The following PKD1L1 variants were observed in gnomAD, a reference collection of about 807,000 sequenced individuals.
PKD1L1 encodes polycystin-1-like protein 1.
A neutral mutation model predicts 323.4 loss-of-function variants in PKD1L1; 236 were observed. That is an observed-to-expected ratio of 0.73 (90% CI 0.66 to 0.81). The LOEUF is 0.81. Ranked by LOEUF, PKD1L1 falls within the 40% of genes least tolerant of loss-of-function variation. PKD1L1 has a pLI of 0.00. For synonymous variants in PKD1L1, 1,344 were observed against 1,335.0 expected (o/e 1.01, Z -0.15); for missense variants, 3,320 against 3,508.0 (o/e 0.95, Z 1.35).
chr7:47,779,571 C>T (rs957507362), intron 56 of PKD1L1, among the ~76,000 whole-genome samples: 7 of 152,176 alleles, frequency 4.6e-5, no homozygotes, highest in Non-Finnish European at 1.0e-4. Context: ...GTTACTGATA[C>T]AAACATATTA....
intron 30 of PKD1L1, 135 bp downstream of exon 30, chr7:47,854,747 T>G: frequency 8.8e-7 from 1 of 1,136,500 alleles, no homozygotes; most frequent in Non-Finnish European, 1.3e-6. Context: ...GCAGAATAGA[T>G]AACAATTTCT....
intron 56 of PKD1L1, among the ~76,000 whole-genome samples, chr7:47,779,139 G>A (rs1786634033): frequency 6.6e-6 from 1 of 151,278 alleles, no homozygotes; most frequent in African/African-American, 2.4e-5. Context: ...TATTTTTTAG[G>A]CTAAGCAGCA....
In PKD1L1 at chr7:47,839,266, T is replaced by C. The variant is rs557025487; in HGVS notation, c.5769+180A>G. ...TTGTGAAGGGTAATTAATCCATGCT[T>C]GGATGGCCACTCAATGAATGTATCA... On this transcript the variant is annotated intron_variant, in intron 36 of 56. Coordinates refer to ENST00000289672, the MANE Select transcript of PKD1L1 (RefSeq NM_138295.5). This position sits in a 1 kb window ranked among gnomAD's most constrained non-coding sequence, Gnocchi z 4.3. Among the ~76,000 whole-genome samples the C allele has an allele frequency of 1.4e-4, 22 of 152,246 alleles. No homozygotes were observed. Among genetic ancestry groups the C allele is most frequent in the Admixed American group, 2.6e-4 (4 of 15,290 alleles).
chr7:47,831,535 G>C (rs566213440), intron 41 of PKD1L1, among the ~76,000 whole-genome samples, 183 bp from the exon 42 acceptor site: 25 of 152,174 alleles, frequency 1.6e-4, no homozygotes, highest in Admixed American at 1.3e-3. Context: ...ATTAAGATCT[G>C]AATCAGCAGA....
At chr7:47,852,788 T>A (rs1785810445) in intron 31 of PKD1L1, among the ~76,000 whole-genome samples, 1 of 151,870 alleles carries the variant, frequency 6.6e-6, no homozygotes, top group Non-Finnish European at 1.5e-5. Context: ...CAGCAGAGGT[T>A]AGTTTGAGGG....
Position 47,897,751 on chromosome 7 carries a change from T to C in PKD1L1, c.2271+237A>G, listed in dbSNP as rs1488072706. Reference sequence around the variant, plus strand: ...AATTAGGTACACAGGAAGGTTTTGTTATACACATTGGAAGGAGCTTTTCAT... The same window carrying C: ...AATTAGGTACACAGGAAGGTTTTGTCATACACATTGGAAGGAGCTTTTCAT... On this transcript the variant is annotated intron_variant, in intron 14 of 56. Transcript: ENST00000289672. Among the ~76,000 whole-genome samples the C allele has an allele frequency of 3.3e-5, 5 of 152,374 alleles. No individual in the cohort carries two copies. The East Asian group carries it at 9.6e-4, about 29-fold the overall frequency.
chr7:47,828,499 G>C (rs66733202), intron 44 of PKD1L1, among the ~76,000 whole-genome samples: 16,914 of 152,042 alleles, frequency 0.11, 1,041 homozygotes, highest in Middle Eastern at 0.14. Context: ...GGCAAGGTGG[G>C]CCAGGTTTGG....
chr7:47,920,680 G>T (rs190208751), intron 7 of PKD1L1, among the ~76,000 whole-genome samples: 47 of 152,288 alleles, frequency 3.1e-4, no homozygotes, highest in Non-Finnish European at 5.9e-4. Flanking sequence ...CATGGGACTG[G>T]TATAAAAATA....
chr7:47,877,870 G>A (rs1213300564), intron 21 of PKD1L1, among the ~76,000 whole-genome samples: 1 of 152,050 alleles, frequency 6.6e-6, no homozygotes, highest in African/African-American at 2.4e-5. Context: ...GGATTCTGAA[G>A]TTCTGGGGTT....
intron 45 of PKD1L1, among the ~76,000 whole-genome samples, chr7:47,821,556 AC>A (rs1785141431): frequency 6.6e-6 from 1 of 152,134 alleles, no homozygotes; most frequent in African/African-American, 2.4e-5. Context: ...AGCGTGAGTC[AC>A]CATGCCGGGC....
chr7:47,924,539 A>G (rs941823506), intron 7 of PKD1L1, among the ~76,000 whole-genome samples: 8 of 152,214 alleles, frequency 5.3e-5, no homozygotes, highest in Non-Finnish European at 8.8e-5. Flanking sequence ...TAGAAACACA[A>G]ACTAAGCAAT....
chr7:47,864,576 T>TTTTCTTTTC (rs1786107073), intron 26 of PKD1L1, among the ~76,000 whole-genome samples: 1 of 107,520 alleles, frequency 9.3e-6, no homozygotes, highest in African/African-American at 3.6e-5. Flanking sequence ...TTTTTCTTTC[T>TTTTCTTTTC]TTTCTTTCTT....
In PKD1L1 at chr7:47,841,597, T is replaced by C. The variant is rs367863924; in HGVS notation, c.5446-1030A>G. 7.7e-4 allele frequency among the ~76,000 whole-genome samples: 118 copies of C among 152,370 alleles called. 2 individuals carry two copies. The East Asian group carries it at 0.018, about 23-fold the overall frequency. Reference sequence around the variant, plus strand: ...TTCATTTGTAAAGGGGGTATATTAATAGAATTTCATTCACACTATTATTAT... The same window carrying C: ...TTCATTTGTAAAGGGGGTATATTAACAGAATTTCATTCACACTATTATTAT... On this transcript the variant is annotated intron_variant, in intron 34 of 56. Coordinates refer to ENST00000289672, the MANE Select transcript of PKD1L1 (RefSeq NM_138295.5).
intron 36 of PKD1L1, among the ~76,000 whole-genome samples, chr7:47,838,414 G>C (rs544446568): frequency 9.2e-5 from 14 of 152,290 alleles, no homozygotes; most frequent in African/African-American, 3.1e-4. Context: ...CAGGGACACA[G>C]AGTCACACAT....
At chr7:47,785,603 A>T (rs1001796907) in intron 56 of PKD1L1, among the ~76,000 whole-genome samples, 2 of 152,098 alleles carry the variant, frequency 1.3e-5, no homozygotes, top group Admixed American at 6.5e-5. Flanking sequence ...TCCTACAGTC[A>T]CCCAGCCAGT....
rs1490619522 is a variant in PKD1L1, at chr7:47,858,815, C to A, written c.4220G>T (p.Gly1407Val). Residue 1407 changes from glycine to valine, a missense_variant, in exon 27 of 57, where the codon GGG (glycine) becomes GTG (valine). Gly to Val is a moderately radical substitution (Grantham distance 109, BLOSUM62 -3). Coordinates refer to ENST00000289672, the MANE Select transcript of PKD1L1 (RefSeq NM_138295.5). ...CACTCCTTTGTCAATCACAAATGGC[C>A]CCGAGAACTGGCCTTGAGCAAGGAG... is the stretch of plus-strand genomic sequence containing the variant. ...RALLAQGQFS[G>V]PFVIDKGVRL... 7 of 1,614,014 alleles carry A rather than the reference C, an allele frequency of 4.3e-6. No homozygotes were observed. The highest frequency in any genetic ancestry group is 5.9e-6 in the Non-Finnish European group (7 of 1,180,036).
rs919699092 is a variant in PKD1L1 at position 47,898,016 on chromosome 7, T to C, written c.2243A>G (p.Glu748Gly). The C allele has an allele frequency of 1.2e-6, 2 of 1,612,698 alleles. No homozygotes were observed. The highest frequency in any genetic ancestry group is 2.2e-5 in the East Asian group (1 of 44,870). ...GGCAAGGGCAGTGTAGTTCCCATAC[T>C]CCAAGGTGTGGCTCGGGAGGATGAG... ...QTLILPSHTL[E>G]YGNYTALAKV... The change falls in exon 14 of 57, where the codon GAG becomes GGG. Residue 748 changes from glutamate to glycine, a missense_variant. Glu to Gly is a moderately conservative substitution (Grantham distance 98, BLOSUM62 -2). Transcript: ENST00000289672.
Position 47,808,380 on chromosome 7 carries a change from A to T in PKD1L1, c.7694T>A (p.Val2565Glu). Residue 2565 changes from valine to glutamate, a missense_variant, in exon 52 of 57, where the codon GTG becomes GAG. Physicochemically the swap from Val to Glu is moderately radical, Grantham distance 121. Coordinates refer to ENST00000289672, the MANE Select transcript of PKD1L1 (RefSeq NM_138295.5). The part of the protein sequence containing the change: ...RKPRNWLELS[V>E]VGVSLTYYAV... ...ATAGTAGGTGAGGCTCACTCCAACCACGGAGAGCTGGAACATCCAAGAGAA... is the reference window on the plus strand; with the variant it reads ...ATAGTAGGTGAGGCTCACTCCAACCTCGGAGAGCTGGAACATCCAAGAGAA... 1 of 1,614,066 alleles carries T rather than the reference A, an allele frequency of 6.2e-7. No individual in the cohort carries two copies. The highest frequency in any genetic ancestry group is 1.7e-5 in the Admixed American group (1 of 60,014).
Position 47,857,687 on chromosome 7 carries a change from GC to G in PKD1L1, c.4507del (p.Ala1503ArgfsTer51), listed in dbSNP as rs1562961334. On this transcript the variant is annotated frameshift_variant, in exon 28 of 57. Transcript: ENST00000289672. LOFTEE classifies it high-confidence loss of function. ...GDLAGHSPAG[A>X]ETQSPCYISQ... The stretch of plus-strand genomic sequence containing the variant: ...AATGTAGCATGGGCTCTGTGTCTCC[GC>G]CCCAGCAGGACTGTGCCCAGCAAGG... 1 of 1,613,944 alleles carries G rather than the reference GC, an allele frequency of 6.2e-7. No individual in the cohort carries two copies. Among genetic ancestry groups the G allele is most frequent in the Non-Finnish European group, 8.5e-7 (1 of 1,180,028 alleles).
Sources: allele counts gnomAD v4.1 joint callset (sites outside exome capture counted in the v4.1 genomes callset), GRCh38; gene constraint gnomAD v4.1.1; non-coding constraint Gnocchi (gnomAD v3.1); transcripts MANE v1.5; gene names NCBI Gene and HGNC (gene_info 2026-07-23, HGNC 2026-07-21).